CCL26: variants seen among roughly 807,000 people sequenced by gnomAD.
CCL26 encodes the protein C-C motif chemokine ligand 26.
In CCL26, 10 loss-of-function variants were observed where a neutral mutation model predicts 10.7. The ratio of observed to expected loss-of-function variants is 0.93; its 90% CI spans 0.57 to 1.58. CCL26 has a LOEUF of 1.58. CCL26 is among the 40% of genes most tolerant of loss of function. The probability of loss-of-function intolerance (pLI) is 0.00; values close to 1 mark genes in which losing one functional copy is unlikely to be tolerated. For synonymous variants in CCL26, 43 were observed against 41.4 expected (o/e 1.04, Z -0.15); for missense variants, 116 against 111.0 (o/e 1.05, Z -0.20).
chr7:75,777,678 G>T (rs1434023551), intron 1 of CCL26, among the ~76,000 whole-genome samples: 1 of 119,202 alleles, frequency 8.4e-6, no homozygotes, highest in Admixed American at 1.2e-4. Context: ...GAGCCCAGGA[G>T]TTCAAAGCTC....
upstream of CCL26, chr7:75,772,392 C>T (rs145973657): frequency 5.6e-4 from 309 of 553,930 alleles, 4 homozygotes; most frequent in Admixed American, 6.9e-3. Context: ...CGTGGTGGCT[C>T]ATGCCTGTGA....
upstream of CCL26, among the ~76,000 whole-genome samples, chr7:75,790,197 T>TTC (rs1803299808): frequency 9.7e-6 from 1 of 103,300 alleles, no homozygotes; most frequent in African/African-American, 3.8e-5. Context: ...CTTTCTTTCT[T>TTC]TCTTTCTTTC....
upstream of CCL26, among the ~76,000 whole-genome samples, chr7:75,791,013 CTTT>C (rs35608337): frequency 7.8e-4 from 105 of 134,352 alleles, no homozygotes; most frequent in African/African-American, 2.6e-3. Context: ...GAAACTCCTC[CTTT>C]TTTTTTTTTT....
At chr7:75,787,511 G>A (rs1803223361) in intron 1 of CCL26, among the ~76,000 whole-genome samples, 1 of 151,828 alleles carries the variant, frequency 6.6e-6, no homozygotes, top group African/African-American at 2.4e-5. Context: ...CAAGCGTGGT[G>A]GCAGGCACCT....
intron 1 of CCL26, among the ~76,000 whole-genome samples, chr7:75,787,353 A>G (rs931500052): frequency 1.3e-5 from 2 of 152,106 alleles, no homozygotes; most frequent in African/African-American, 4.8e-5. Flanking sequence ...TTTTAAAGAC[A>G]CACCTCACCA....
upstream of CCL26, among the ~76,000 whole-genome samples, chr7:75,790,218 T>C (rs143011222): frequency 8.1e-3 from 538 of 66,732 alleles, 2 homozygotes; most frequent in African/African-American, 0.017. Flanking sequence ...TTTCTTTCTT[T>C]CTTCCTTCCT....
upstream of CCL26, among the ~76,000 whole-genome samples, chr7:75,773,807 T>A (rs903250474): frequency 6.6e-6 from 1 of 150,898 alleles, no homozygotes; most frequent in African/African-American, 2.4e-5. Flanking sequence ...CACTTGAACC[T>A]GGGGGGCAGA....
intron 1 of CCL26, among the ~76,000 whole-genome samples, chr7:75,788,399 A>G (rs1039570469): frequency 6.6e-6 from 1 of 151,968 alleles, no homozygotes; most frequent in South Asian, 2.1e-4. Context: ...ACCCCTTTTG[A>G]CTGTAATTTT....
chr7:75,785,490 C>T (rs1461845508), intron 1 of CCL26, among the ~76,000 whole-genome samples: 1 of 152,146 alleles, frequency 6.6e-6, no homozygotes, highest in Non-Finnish European at 1.5e-5. Context: ...CCACAAAGCT[C>T]CAATTTCTTC....
chr7:75,772,032 A>C, intron 1 of CCL26, 29 bp from the exon 2 acceptor site: 1 of 1,605,554 alleles, frequency 6.2e-7, no homozygotes, highest in Non-Finnish European at 8.5e-7. Flanking sequence ...AAGGGTTTGG[A>C]GATACTCATT....
At position 75,785,896 on chromosome 7, in the gene CCL26, T is replaced by G. The variant is rs184597000; in HGVS notation, c.-79+3821A>C. ...CCGGGACCGCGCCCTGTAGCCTTTT[T>G]GTCCAAACAACTTGACCTTGCTGTT... On this transcript the variant is annotated intron_variant, in intron 1 of 3. Transcript: ENST00000394905. 2.0e-3 allele frequency among the ~76,000 whole-genome samples: 309 copies of G among 152,326 alleles called. 2 individuals are homozygous for G. The highest frequency in any genetic ancestry group is 7.0e-3 in the African/African-American group (293 of 41,568).
chr7:75,773,626 A>G (rs1554528413), upstream of CCL26, among the ~76,000 whole-genome samples: 2 of 152,010 alleles, frequency 1.3e-5, no homozygotes. Context: ...CTGTAATCCC[A>G]GCACTTTGGA....
intron 1 of CCL26, among the ~76,000 whole-genome samples, chr7:75,779,984 C>T (rs1803024604): frequency 6.7e-6 from 1 of 149,696 alleles, no homozygotes; most frequent in South Asian, 2.1e-4. Flanking sequence ...TCCTAGGGGA[C>T]AAGCACCTCC....
intron 2 of CCL26, among the ~76,000 whole-genome samples, chr7:75,770,674 C>T (rs1802801559): frequency 6.6e-6 from 1 of 151,258 alleles, no homozygotes; most frequent in African/African-American, 2.4e-5. Flanking sequence ...AGCCACCACG[C>T]CCGGCCTATT....
chr7:75,790,799 C>T (rs1475967689), upstream of CCL26, among the ~76,000 whole-genome samples: 5 of 151,720 alleles, frequency 3.3e-5, no homozygotes, highest in South Asian at 1.0e-3. Context: ...CAAAAATTAG[C>T]CAGGTGTGAT....
chr7:75,776,641 G>A (rs546770253), upstream of CCL26, among the ~76,000 whole-genome samples: 22 of 151,998 alleles, frequency 1.4e-4, no homozygotes, highest in Non-Finnish European at 2.6e-4. Context: ...GAAAGATAAT[G>A]GCTGAGGCGT....
chr7:75,785,545 G>C (rs530316116), intron 1 of CCL26, among the ~76,000 whole-genome samples: 1 of 152,006 alleles, frequency 6.6e-6, no homozygotes, highest in Admixed American at 6.6e-5. Context: ...AAAAACACAC[G>C]TGCTCTCCCT....
At chr7:75,791,291 T>A (rs1803327449), upstream of CCL26, among the ~76,000 whole-genome samples, 1 of 152,150 alleles carries the variant, frequency 6.6e-6, no homozygotes, top group Non-Finnish European at 1.5e-5. Context: ...CCCAAAGGGC[T>A]GGGATTACAG....
chr7:75,776,636 A>G (rs1353367447), upstream of CCL26, among the ~76,000 whole-genome samples: 2 of 152,060 alleles, frequency 1.3e-5, no homozygotes, highest in African/African-American at 4.8e-5. Flanking sequence ...AAAAAGAAAG[A>G]TAATGGCTGA....
Sources: gnomAD v4.1 joint callset for allele counts (sites outside exome capture counted in the v4.1 genomes callset) on GRCh38, gnomAD v4.1.1 for gene constraint, MANE v1.5 for transcripts, NCBI Gene and HGNC (gene_info 2026-07-23, HGNC 2026-07-21) for gene names.